Variants in AK5 observed in about 807,000 individuals in gnomAD.
AK5 encodes the protein adenylate kinase isoenzyme 5.
AK5 carries 27 observed loss-of-function variants against 69.5 expected under a neutral mutation model. The observed-to-expected ratio is 0.39, with a 90% CI of 0.29 to 0.54. The LOEUF is 0.54. Among genes scored for constraint, AK5 ranks in the 20% least tolerant of loss-of-function variants. The probability of loss-of-function intolerance (pLI) is 0.71; values close to 1 mark genes in which losing one functional copy is unlikely to be tolerated. For missense variants in AK5, 531 were observed against 700.4 expected (o/e 0.76, Z 2.73); for synonymous variants, 260 against 244.4 (o/e 1.06, Z -0.60).
chr1:77,515,606 G>A (rs1290235025), intron 10 of AK5, among the ~76,000 whole-genome samples: 1 of 152,206 alleles, frequency 6.6e-6, no homozygotes, highest in Admixed American at 6.5e-5. Flanking sequence ...TGAGGGAGCT[G>A]CAGCCCAAGA....
At chr1:77,509,727 T>C (rs1657234957) in intron 10 of AK5, among the ~76,000 whole-genome samples, 1 of 152,242 alleles carries the variant, frequency 6.6e-6, no homozygotes, top group Non-Finnish European at 1.5e-5. Context: ...CTGGGAAGGC[T>C]ATGCACCTTT....
chr1:77,413,748 A>G (rs771943046), intron 7 of AK5, among the ~76,000 whole-genome samples: 7 of 152,192 alleles, frequency 4.6e-5, no homozygotes, highest in Non-Finnish European at 7.3e-5. Flanking sequence ...CATGGGGAGA[A>G]ACCACATCTT....
At chr1:77,448,923 A>G (rs1652940813) in intron 8 of AK5, among the ~76,000 whole-genome samples, 1 of 152,218 alleles carries the variant, frequency 6.6e-6, no homozygotes, top group Admixed American at 6.5e-5. Flanking sequence ...AGCTGGCAAC[A>G]AGAATTGAGG....
rs746541612 is a variant in AK5, at chr1:77,558,588, C to CCTT, written c.1621-13_1621-11dup. ...TATTTCAGACTAACTCTCTTTTTTTCCTTTTAAATATAGATAAATGCAGAG... is the reference window on the plus strand; with the variant it reads ...TATTTCAGACTAACTCTCTTTTTTTCCTTCTTTTAAATATAGATAAATGCAGAG... On this transcript the variant is annotated splice_polypyrimidine_tract_variant and intron_variant, in intron 13 of 13. Transcript: ENST00000354567. 2.0e-6 allele frequency: 3 copies of CCTT among 1,485,386 alleles called. No individual in the cohort carries two copies. The highest frequency in any genetic ancestry group is 2.3e-5 in the East Asian group (1 of 44,034). The allele number at this position is 1,485,386 out of a possible 1,614,324, so 92.0% of individuals were successfully genotyped here.
chr1:77,543,137 T>C (rs1393566679), intron 13 of AK5, among the ~76,000 whole-genome samples: 1 of 152,196 alleles, frequency 6.6e-6, no homozygotes, highest in Non-Finnish European at 1.5e-5. Context: ...GGAGAAGCCC[T>C]ATGAATTGAG....
At chr1:77,327,261 A>G (rs925267202) in intron 5 of AK5, among the ~76,000 whole-genome samples, 3 of 152,050 alleles carry the variant, frequency 2.0e-5, no homozygotes, top group African/African-American at 7.2e-5. Context: ...GCATGGTGGC[A>G]TGCACCAGTA....
rs116695415 is a variant in AK5, at chr1:77,380,875, G to C, written c.892-30106G>C. On this transcript the variant is annotated intron_variant, in intron 6 of 13. Coordinates refer to ENST00000354567, the MANE Select transcript of AK5 (RefSeq NM_174858.3). ...GACCAAGGCATCCTAGCCAGAGAGA[G>C]CATGGAGGTGAAAGTGTGGCATGGT... Among the ~76,000 whole-genome samples, 452 of 152,314 alleles carry C rather than the reference G, an allele frequency of 3.0e-3. 2 individuals carry two copies. Among genetic ancestry groups the C allele is most frequent in the African/African-American group, 0.01 (430 of 41,572 alleles).
At chr1:77,325,161 G>GTTTTTTTTTT (rs369801549) in intron 5 of AK5, among the ~76,000 whole-genome samples, 2 of 123,244 alleles carry the variant, frequency 1.6e-5, no homozygotes, top group African/African-American at 2.9e-5. Flanking sequence ...TAGGTTTTTT[G>GTTTTTTTTTT]TTTTTTTTTT....
Position 77,405,832 on chromosome 1 carries a change from T to C in AK5, c.892-5149T>C, listed in dbSNP as rs1649591743. Among the ~76,000 whole-genome samples, 3 of 152,336 alleles carry C rather than the reference T, an allele frequency of 2.0e-5. No homozygotes were observed. In the South Asian group the frequency reaches 6.2e-4, roughly 32 times the overall value. The stretch of plus-strand genomic sequence containing the variant: ...CCATGTAGCCCTTCTGGAGACCATG[T>C]TGCCGGCTGTGTTTATTAATGAAGC... On this transcript the variant is annotated intron_variant, in intron 6 of 13. Coordinates refer to ENST00000354567, the MANE Select transcript of AK5 (RefSeq NM_174858.3).
Position 77,288,545 on chromosome 1 carries a change from CAT to C in AK5, c.247+1420_247+1421del, listed in dbSNP as rs1658492308. On this transcript the variant is annotated intron_variant, in intron 2 of 13. Transcript: ENST00000354567. ...ATTTGAATGCAGTGTGGGAAAAAGC[CAT>C]AGTGTGCTAATTTTCAAGGAACACA... Among the ~76,000 whole-genome samples the C allele has an allele frequency of 2.6e-5, 4 of 151,998 alleles. No homozygotes were observed. The South Asian group carries it at 8.3e-4, about 32-fold the overall frequency.
At chr1:77,487,634 G>T (rs1313484915) in intron 10 of AK5, among the ~76,000 whole-genome samples, 1 of 152,196 alleles carries the variant, frequency 6.6e-6, no homozygotes, top group Non-Finnish European at 1.5e-5. Flanking sequence ...TCTGGGTAAA[G>T]TTCTCTCATT....
chr1:77,361,268 G>A (rs994287415), intron 6 of AK5, among the ~76,000 whole-genome samples: 1 of 152,058 alleles, frequency 6.6e-6, no homozygotes, highest in Non-Finnish European at 1.5e-5. Flanking sequence ...AGTATTTCCT[G>A]AGAGGCAATG....
chr1:77,540,484 G>A (rs1330117016), intron 13 of AK5: 1 of 152,242 alleles, frequency 6.6e-6, no homozygotes, highest in African/African-American at 2.4e-5. Flanking sequence ...CAGCCGTATG[G>A]ACCATCACCC....
At chr1:77,486,425 G>A (rs77015705) in intron 10 of AK5, 73 bp downstream of exon 10, 33,382 of 1,161,890 alleles carry the variant, frequency 0.029, 611 homozygotes, top group Middle Eastern at 0.08. Flanking sequence ...GCCAGGTGCG[G>A]TGGCTTACAC....
rs1429538239 is a variant in AK5 at position 77,373,652 on chromosome 1, G to A, written c.891+33084G>A. On this transcript the variant is annotated intron_variant, in intron 6 of 13. Coordinates refer to ENST00000354567, the MANE Select transcript of AK5 (RefSeq NM_174858.3). ...GAGGCAGAACAATCGCTTGAACCCG[G>A]GAGGTGGAGGTTGCAGTGAGCCGAG... Among the ~76,000 whole-genome samples, 4 of 152,004 alleles carry A rather than the reference G, an allele frequency of 2.6e-5. 1 individual carries two copies. The South Asian group carries it at 6.2e-4, about 24-fold the overall frequency.
chr1:77,351,925 T>C (rs915125756), intron 6 of AK5, among the ~76,000 whole-genome samples: 1 of 51,112 alleles, frequency 2.0e-5, no homozygotes, highest in African/African-American at 5.2e-5. Flanking sequence ...CTGCAAGTAA[T>C]TCTTTTTTTT....
rs762736615 is a variant in AK5 at position 77,521,958 on chromosome 1, C to T, written c.1428+15C>T. Reference sequence around the variant, plus strand: ...TCGGACGCAGGGTGAGTGGTTGTTACGGGCATCCTTCCAGAAGAAAAATAG... The same window carrying T: ...TCGGACGCAGGGTGAGTGGTTGTTATGGGCATCCTTCCAGAAGAAAAATAG... On this transcript the variant is annotated intron_variant, in intron 12 of 13. Coordinates refer to ENST00000354567, the MANE Select transcript of AK5 (RefSeq NM_174858.3). 67 of 1,561,412 alleles carry T rather than the reference C, an allele frequency of 4.3e-5. No individual in the cohort carries two copies. Among genetic ancestry groups the T allele is most frequent in the Non-Finnish European group, 5.2e-5 (60 of 1,152,256 alleles).
Position 77,494,079 on chromosome 1 carries a change from A to T in AK5, c.1147+7727A>T, listed in dbSNP as rs539927640. Among the ~76,000 whole-genome samples the T allele has an allele frequency of 1.4e-3, 216 of 152,238 alleles. 1 individual carries two copies. The highest frequency in any genetic ancestry group is 2.2e-3 in the Non-Finnish European group (149 of 68,044). ...CATGGCAGGAATTTAGGACTCATCTAGAAGGGCAAATTACTGCTAAACAGA... is the reference window on the plus strand; with the variant it reads ...CATGGCAGGAATTTAGGACTCATCTTGAAGGGCAAATTACTGCTAAACAGA... On this transcript the variant is annotated intron_variant, in intron 10 of 13. Transcript: ENST00000354567.
chr1:77,352,845 A>G (rs2100416441), intron 6 of AK5, among the ~76,000 whole-genome samples: 1 of 152,294 alleles, frequency 6.6e-6, no homozygotes, highest in South Asian at 2.1e-4. Flanking sequence ...GTCCTTAGTT[A>G]AATAAGTTAT....
Sources: allele counts gnomAD v4.1 joint callset (sites outside exome capture counted in the v4.1 genomes callset), GRCh38; gene constraint gnomAD v4.1.1; transcripts MANE v1.5; gene names NCBI Gene and HGNC (gene_info 2026-07-23, HGNC 2026-07-21).